Variants in DNAAF11 observed in about 807,000 individuals in gnomAD.
DNAAF11 encodes leucine rich repeat containing 6.
DNAAF11 carries 45 observed loss-of-function variants against 60.8 expected under a neutral mutation model. The ratio of observed to expected loss-of-function variants is 0.74; its 90% CI spans 0.58 to 0.95. The LOEUF (loss-of-function observed/expected upper bound fraction) is 0.95. Ranked by LOEUF, DNAAF11 falls within the 40% of genes least tolerant of loss-of-function variation. The pLI is 0.00. For missense variants in DNAAF11, 546 were observed against 546.2 expected, an observed-to-expected ratio of 1.00 and a Z score of 0.00; for synonymous variants, 191 against 183.5, an observed-to-expected ratio of 1.04 and a Z score of -0.33.
At chr8:132,622,562 C>T in intron 7 of DNAAF11, 49 bp downstream of exon 7, 1 of 1,350,320 alleles carries the variant, frequency 7.4e-7, no homozygotes, top group Admixed American at 1.8e-5. Flanking sequence ...TGACCAACAC[C>T]ATTGACTGAC....
chr8:132,586,982 T>A (rs535017710), intron 10 of DNAAF11, among the ~76,000 whole-genome samples: 1 of 152,200 alleles, frequency 6.6e-6, no homozygotes, highest in Non-Finnish European at 1.5e-5. Flanking sequence ...GAGGTCAATG[T>A]TAGTTAAAAT....
chr8:132,585,147 A>G (rs1393703555), intron 10 of DNAAF11, among the ~76,000 whole-genome samples: 1 of 152,190 alleles, frequency 6.6e-6, no homozygotes, highest in Non-Finnish European at 1.5e-5. Flanking sequence ...CAATGAAGAA[A>G]TGATTCCCCA....
At chr8:132,611,953 T>C (rs79352785) in intron 8 of DNAAF11, among the ~76,000 whole-genome samples, 4 of 152,346 alleles carry the variant, frequency 2.6e-5, no homozygotes, top group East Asian at 1.9e-4. Flanking sequence ...ATATCACTCA[T>C]TAAATCAGAA....
intron 10 of DNAAF11, among the ~76,000 whole-genome samples, chr8:132,585,070 A>G (rs960506174): frequency 6.6e-6 from 1 of 152,184 alleles, no homozygotes; most frequent in Non-Finnish European, 1.5e-5. Flanking sequence ...ATAGGCTCCA[A>G]TAAATCCCCA....
At chr8:132,648,593 T>G (rs185744105) in intron 3 of DNAAF11, among the ~76,000 whole-genome samples, 1 of 152,216 alleles carries the variant, frequency 6.6e-6, no homozygotes, top group African/African-American at 2.4e-5. Context: ...GATGACATGA[T>G]TGTATATTTA....
the DNAAF11 span, among the ~76,000 whole-genome samples, chr8:132,685,763 T>C: frequency 2.6e-5 from 4 of 152,350 alleles, no homozygotes; most frequent in Admixed American, 6.5e-5. Flanking sequence ...GCTCTACTTT[T>C]AATCTAATTT....
intron 10 of DNAAF11, among the ~76,000 whole-genome samples, chr8:132,592,709 T>C (rs1816595100): frequency 6.6e-6 from 1 of 152,058 alleles, no homozygotes; most frequent in African/African-American, 2.4e-5. Context: ...TATAATACCA[T>C]TGTAGTAATA....
intron 10 of DNAAF11, among the ~76,000 whole-genome samples, chr8:132,601,597 A>C (rs1384676017): frequency 6.6e-6 from 1 of 152,192 alleles, no homozygotes; most frequent in Non-Finnish European, 1.5e-5. Context: ...GCAGCCATAA[A>C]AAAGATGAGT....
chr8:132,660,421 A>G (rs2130806632), intron 2 of DNAAF11, among the ~76,000 whole-genome samples: 1 of 152,342 alleles, frequency 6.6e-6, no homozygotes, highest in Admixed American at 6.5e-5. Flanking sequence ...AGACTTGGGC[A>G]AGTAACTGAC....
chr8:132,652,866 A>G (rs1823159955), intron 3 of DNAAF11, among the ~76,000 whole-genome samples: 1 of 152,032 alleles, frequency 6.6e-6, no homozygotes, highest in South Asian at 2.1e-4. Context: ...GGTGCAGCAA[A>G]CCACCATGGC....
intron 1 of DNAAF11, among the ~76,000 whole-genome samples, chr8:132,674,160 AAGGAGAAGGAGGAGG>A (rs1185509875): frequency 1.1e-3 from 41 of 38,914 alleles, no homozygotes; most frequent in African/African-American, 2.6e-3. Context: ...GGAGGAGGAG[AAGGAGAAGGAGGAGG>A]AGGAGAAGGA....
the DNAAF11 span, among the ~76,000 whole-genome samples, chr8:132,695,138 A>C: frequency 6.6e-6 from 1 of 152,274 alleles, no homozygotes; most frequent in East Asian, 1.9e-4. Flanking sequence ...GTCAAATCCT[A>C]ATTGGGGTGG....
chr8:132,574,552 G>A (rs1468327958), intron 11 of DNAAF11, among the ~76,000 whole-genome samples: 2 of 152,186 alleles, frequency 1.3e-5, no homozygotes, highest in Non-Finnish European at 2.9e-5. Context: ...TGTCTTGTGT[G>A]ACTCCACAGG....
intron 9 of DNAAF11, among the ~76,000 whole-genome samples, chr8:132,610,628 A>C (rs572771323): frequency 8.5e-5 from 13 of 152,324 alleles, no homozygotes; most frequent in African/African-American, 3.1e-4. Flanking sequence ...ATAAAATTAT[A>C]GTTTTTATGA....
intron 10 of DNAAF11, among the ~76,000 whole-genome samples, chr8:132,591,421 T>G (rs1563985366): frequency 6.6e-6 from 1 of 151,364 alleles, no homozygotes. Context: ...GCCATAAAAT[T>G]TTTTTAAATG....
chr8:132,631,294 G>A (rs1820771734), intron 5 of DNAAF11, among the ~76,000 whole-genome samples: 1 of 152,130 alleles, frequency 6.6e-6, no homozygotes, highest in Non-Finnish European at 1.5e-5. Flanking sequence ...GGCACCACTA[G>A]GAAGACCACA....
At chr8:132,640,679 T>C (rs1821764528) in intron 3 of DNAAF11, among the ~76,000 whole-genome samples, 1 of 152,184 alleles carries the variant, frequency 6.6e-6, no homozygotes, top group African/African-American at 2.4e-5. Flanking sequence ...CTAAATTTTA[T>C]CATATATTTC....
intron 7 of DNAAF11, among the ~76,000 whole-genome samples, chr8:132,621,498 G>C (rs1819758956): frequency 6.6e-6 from 1 of 152,084 alleles, no homozygotes; most frequent in Admixed American, 6.5e-5. Context: ...TGGTTTTAGG[G>C]GCAGGTGAGG....
At chr8:132,661,170 TA>T (rs960194509) in intron 2 of DNAAF11, among the ~76,000 whole-genome samples, 120 of 146,216 alleles carry the variant, frequency 8.2e-4, no homozygotes, top group South Asian at 2.8e-3. Context: ...CTTTCAAACT[TA>T]AAAAAAAAAA....
Sources: gnomAD v4.1 joint callset for allele counts (sites outside exome capture counted in the v4.1 genomes callset) on GRCh38, gnomAD v4.1.1 for gene constraint, MANE v1.5 for transcripts, NCBI Gene and HGNC (gene_info 2026-07-23, HGNC 2026-07-21) for gene names.